Variants in GALNT18 observed in about 807,000 individuals in gnomAD.
The protein encoded by GALNT18 is GalNAc-transferase 18.
In GALNT18, 44 loss-of-function variants were observed where a neutral mutation model predicts 69.5. That is an observed-to-expected ratio of 0.63 (90% CI 0.50 to 0.81). The LOEUF (loss-of-function observed/expected upper bound fraction) is 0.81, where lower values mean the gene tolerates loss of function less well. Ranked by LOEUF, GALNT18 falls within the 40% of genes least tolerant of loss-of-function variation. The pLI is 0.00. For missense variants in GALNT18, 715 were observed against 810.0 expected (o/e 0.88, Z 1.42); for synonymous variants, 364 against 318.2 (o/e 1.14, Z -1.53).
At chr11:11,301,895 A>G (rs1676616714) in intron 9 of GALNT18, among the ~76,000 whole-genome samples, 1 of 152,196 alleles carries the variant, frequency 6.6e-6, no homozygotes, top group Admixed American at 6.5e-5. Context: ...CAGGCTTATA[A>G]CAGATGAGTG....
intron 10 of GALNT18, among the ~76,000 whole-genome samples, chr11:11,271,859 C>G (rs1001855916): frequency 1.3e-5 from 2 of 152,212 alleles, no homozygotes; most frequent in Non-Finnish European, 2.9e-5. Flanking sequence ...TGTAGCCATT[C>G]ATACTCAGTT....
At chr11:11,417,071 G>A (rs774343144) in intron 3 of GALNT18, among the ~76,000 whole-genome samples, 4 of 152,226 alleles carry the variant, frequency 2.6e-5, no homozygotes, top group Non-Finnish European at 5.9e-5. Context: ...CCTGATTCAA[G>A]TTCCTTCCAA....
In GALNT18 at chr11:11,621,789, C is replaced by T. The variant is rs1219325256; in HGVS notation, c.-196G>A. 19 of 594,722 alleles carry T rather than the reference C, an allele frequency of 3.2e-5. No individual in the cohort carries two copies. Among genetic ancestry groups the T allele is most frequent in the Non-Finnish European group, 5.4e-5 (18 of 334,568 alleles). 36.8% of individuals were successfully genotyped at this position (594,722 alleles called of 1,614,324 possible). A position where few individuals can be genotyped will look rare whatever the true frequency, so the allele number is the denominator to read the frequency against. On this transcript the variant is annotated 5_prime_UTR_variant, in exon 1 of 11. Coordinates refer to ENST00000227756, the MANE Select transcript of GALNT18 (RefSeq NM_198516.3). The surrounding 1 kb of genome is among the most constrained non-coding windows in gnomAD (Gnocchi z 9.3). The stretch of plus-strand genomic sequence containing the variant: ...GTTTGCAGCTCCTGCCGCTGGCCAC[C>T]CGGAGAGACCTTGACAAAGGAAACC...
At chr11:11,490,773 G>A (rs1489540118) in intron 1 of GALNT18, among the ~76,000 whole-genome samples, 1 of 152,222 alleles carries the variant, frequency 6.6e-6, no homozygotes, top group Non-Finnish European at 1.5e-5. Context: ...AAGAAGCCCT[G>A]TGCTGCATTT....
chr11:11,612,654 G>A (rs1397209945), intron 1 of GALNT18, among the ~76,000 whole-genome samples: 4 of 152,174 alleles, frequency 2.6e-5, no homozygotes, highest in Non-Finnish European at 5.9e-5. Context: ...TCAGACTGGC[G>A]AAGCCCAACA....
At chr11:11,548,417 A>G (rs2133965513) in intron 1 of GALNT18, among the ~76,000 whole-genome samples, 1 of 152,336 alleles carries the variant, frequency 6.6e-6, no homozygotes, top group African/African-American at 2.4e-5. Flanking sequence ...GGCACCAAGC[A>G]CTAAGACAAA....
At position 11,385,527 on chromosome 11, in the gene GALNT18, C is replaced by T. The variant is rs539246043; in HGVS notation, c.596-6263G>A. The stretch of plus-strand genomic sequence containing the variant: ...AGCCAGGATGGTCTCGATCTCCTGA[C>T]CTTGTGATCTGCCCGCCTCGGCCTC... On this transcript the variant is annotated intron_variant, in intron 3 of 10. Coordinates refer to ENST00000227756, the MANE Select transcript of GALNT18 (RefSeq NM_198516.3). Among the ~76,000 whole-genome samples the T allele has an allele frequency of 3.9e-5, 6 of 152,214 alleles. No homozygotes were observed. The South Asian group carries it at 1.2e-3, about 32-fold the overall frequency.
In GALNT18 at chr11:11,432,170, T is replaced by A. The variant is rs1297511904; in HGVS notation, c.595+451A>T. On this transcript the variant is annotated intron_variant, in intron 3 of 10. Transcript: ENST00000227756. This position sits in a 1 kb window ranked among gnomAD's most constrained non-coding sequence, Gnocchi z 5.8. ...TACGTGTCCACTGCCATCCCCATCATCACCACCACTACAACCTCCATCACC... is the reference window on the plus strand; with the variant it reads ...TACGTGTCCACTGCCATCCCCATCAACACCACCACTACAACCTCCATCACC... Among the ~76,000 whole-genome samples, 2 of 152,272 alleles carry A rather than the reference T, an allele frequency of 1.3e-5. No individual in the cohort carries two copies. The highest frequency in any genetic ancestry group is 3.9e-4 in the East Asian group (2 of 5,184).
chr11:11,277,430 G>A (rs1848973077), intron 10 of GALNT18, among the ~76,000 whole-genome samples: 1 of 151,820 alleles, frequency 6.6e-6, no homozygotes, highest in African/African-American at 2.4e-5. Context: ...GGTCTATTTT[G>A]TTGATCTTTT....
chr11:11,593,508 G>A (rs1412481052), intron 1 of GALNT18, among the ~76,000 whole-genome samples: 1 of 152,252 alleles, frequency 6.6e-6, no homozygotes, highest in Non-Finnish European at 1.5e-5. Context: ...TAAGATGCGT[G>A]AGGAACTTTG....
rs899593406 is a variant in GALNT18 at position 11,614,762 on chromosome 11, G to A, written c.235+6597C>T. 2.0e-5 allele frequency among the ~76,000 whole-genome samples: 3 copies of A among 152,140 alleles called. No individual in the cohort carries two copies. The highest frequency in any genetic ancestry group is 2.9e-5 in the Non-Finnish European group (2 of 68,036). On this transcript the variant is annotated intron_variant, in intron 1 of 10. Coordinates refer to ENST00000227756, the MANE Select transcript of GALNT18 (RefSeq NM_198516.3). The surrounding 1 kb of genome is among the most constrained non-coding windows in gnomAD (Gnocchi z 5.6). ...GCCCTCATAAATGACAAAACCAGAC[G>A]TGGCTCTCTGACACTTTTCATTCTG...
At position 11,511,844 on chromosome 11, in the gene GALNT18, G is replaced by C. The variant is rs544781381; in HGVS notation, c.236-62908C>G. Among the ~76,000 whole-genome samples the C allele has an allele frequency of 1.3e-5, 2 of 152,222 alleles. No individual in the cohort carries two copies. The highest frequency in any genetic ancestry group is 4.8e-5 in the African/African-American group (2 of 41,540). The stretch of plus-strand genomic sequence containing the variant: ...CCCTCACCAGACCCGGACCACACTG[G>C]TACCCTGATCTGGGACTTTCAGCCC... On this transcript the variant is annotated intron_variant, in intron 1 of 10. Transcript: ENST00000227756. The surrounding 1 kb of genome is among the most constrained non-coding windows in gnomAD (Gnocchi z 4.9).
At chr11:11,520,371 G>A (rs570917513) in intron 1 of GALNT18, among the ~76,000 whole-genome samples, 2 of 152,342 alleles carry the variant, frequency 1.3e-5, no homozygotes, top group East Asian at 3.9e-4. Flanking sequence ...GTGTTCTCTG[G>A]CCTGCTGAGC....
At chr11:11,566,323 A>G (rs577632672) in intron 1 of GALNT18, among the ~76,000 whole-genome samples, 3 of 152,246 alleles carry the variant, frequency 2.0e-5, no homozygotes, top group African/African-American at 7.2e-5. Flanking sequence ...CTGTGCTCCA[A>G]TAAAACTTTA....
At chr11:11,385,504 C>A (rs182498248) in intron 3 of GALNT18, among the ~76,000 whole-genome samples, 52 of 152,168 alleles carry the variant, frequency 3.4e-4, no homozygotes, top group African/African-American at 1.1e-3. Context: ...ACCATGTTAG[C>A]CAGGATGGTC....
In GALNT18 at chr11:11,590,235, T is replaced by C. The variant is rs977756635; in HGVS notation, c.235+31124A>G. On this transcript the variant is annotated intron_variant, in intron 1 of 10. Coordinates refer to ENST00000227756, the MANE Select transcript of GALNT18 (RefSeq NM_198516.3). This position sits in a 1 kb window ranked among gnomAD's most constrained non-coding sequence, Gnocchi z 4.4. Reference sequence around the variant, plus strand: ...AATGTGGTGGAAATTAGGTGCTCCATGCGAGTCCTGGCTCATGGGCACCTC... The same window carrying C: ...AATGTGGTGGAAATTAGGTGCTCCACGCGAGTCCTGGCTCATGGGCACCTC... Among the ~76,000 whole-genome samples, 10 of 152,216 alleles carry C rather than the reference T, an allele frequency of 6.6e-5. No homozygotes were observed. The highest frequency in any genetic ancestry group is 2.4e-4 in the African/African-American group (10 of 41,454).
At chr11:11,409,378 C>T (rs928760370) in intron 3 of GALNT18, among the ~76,000 whole-genome samples, 4 of 152,176 alleles carry the variant, frequency 2.6e-5, no homozygotes, top group African/African-American at 4.8e-5. Flanking sequence ...AGAATCAAAG[C>T]CGCCTCTGCT....
In GALNT18 at chr11:11,603,421, G is replaced by T. The variant is rs777144357; in HGVS notation, c.235+17938C>A. 1.1e-4 allele frequency among the ~76,000 whole-genome samples: 17 copies of T among 152,146 alleles called. No homozygotes were observed. Among genetic ancestry groups the T allele is most frequent in the Non-Finnish European group, 2.1e-4 (14 of 68,030 alleles). On this transcript the variant is annotated intron_variant, in intron 1 of 10. Transcript: ENST00000227756. The surrounding 1 kb of genome is among the most constrained non-coding windows in gnomAD (Gnocchi z 4.5). ...TGCCAAAGGTGGGGGAATGTATAGG[G>T]CTTTCTCTGAGACTTCATTCCCATA...
intron 9 of GALNT18, among the ~76,000 whole-genome samples, chr11:11,297,483 C>T (rs1564885370): frequency 6.6e-6 from 1 of 152,124 alleles, no homozygotes; most frequent in African/African-American, 2.4e-5. Context: ...GCCATATGTG[C>T]GACCACTCAC....
Sources: gnomAD v4.1 joint callset for allele counts (sites outside exome capture counted in the v4.1 genomes callset) on GRCh38, gnomAD v4.1.1 for gene constraint, Gnocchi (gnomAD v3.1) non-coding constraint, MANE v1.5 for transcripts, NCBI Gene and HGNC (gene_info 2026-07-23, HGNC 2026-07-21) for gene names.